VLDLR: variants seen among roughly 807,000 people sequenced by gnomAD.
VLDLR encodes very low-density lipoprotein receptor.
VLDLR carries 81 observed loss-of-function variants against 112.7 expected under a neutral mutation model. The observed-to-expected ratio is 0.72, with a 90% CI of 0.60 to 0.86. The LOEUF is 0.86. Ranked by LOEUF, VLDLR falls within the 40% of genes least tolerant of loss-of-function variation. VLDLR has a pLI of 0.00. For missense variants in VLDLR, 1,237 were observed against 1,099.4 expected, an observed-to-expected ratio of 1.13 and a Z score of -1.77; for synonymous variants, 436 against 384.8, an observed-to-expected ratio of 1.13 and a Z score of -1.56.
Position 2,622,023 on chromosome 9 carries a change from G to A in VLDLR, c.-167G>A. The A allele has an allele frequency of 1.5e-6, 1 of 663,344 alleles. No individual in the cohort carries two copies. The highest frequency in any genetic ancestry group is 2.5e-6 in the Non-Finnish European group (1 of 395,968). 41.1% of individuals were successfully genotyped at this position (663,344 alleles called of 1,614,324 possible). ...GACTGTGCAAGTTGTAGGGGAGGGG[G>A]TGCCCTCTTCTTCCCCGCTCCCTTC... On this transcript the variant is annotated 5_prime_UTR_variant, in exon 1 of 19. In the 5' UTR this introduces an upstream ATG that the reference lacks. Transcript: ENST00000382100.
chr9:2,627,856 A>C (rs7863527), intron 1 of VLDLR, among the ~76,000 whole-genome samples: 99,864 of 146,748 alleles, frequency 0.68, 34,429 homozygotes, highest in Admixed American at 0.76. Context: ...CAGTGCGAGA[A>C]TCCATCTCAA....
chr9:2,629,029 A>G (rs33984475), intron 1 of VLDLR, among the ~76,000 whole-genome samples: 5,701 of 152,158 alleles, frequency 0.037, 341 homozygotes, highest in African/African-American at 0.13. Flanking sequence ...GTGGTTCTCA[A>G]AGTGTGGACC....
intron 1 of VLDLR, 98 bp from the exon 2 acceptor site, chr9:2,635,355 C>T (rs1354319635): frequency 1.3e-6 from 2 of 1,586,906 alleles, no homozygotes; most frequent in Admixed American, 1.7e-5. Flanking sequence ...CCTGCCGAGT[C>T]TGCAGTATCC....
At chr9:2,651,168 G>A (rs1300709739) in intron 15 of VLDLR, among the ~76,000 whole-genome samples, 5 of 152,308 alleles carry the variant, frequency 3.3e-5, no homozygotes, top group South Asian at 2.1e-4. Context: ...GGGATAAAAT[G>A]TGGTTGTCCA....
In VLDLR at chr9:2,657,728, G is replaced by C. The variant is rs1207955772; in HGVS notation, c.*3860G>C. On this transcript the variant is annotated 3_prime_UTR_variant, in exon 19 of 19. Coordinates refer to ENST00000382100, the MANE Select transcript of VLDLR (RefSeq NM_003383.5). ...TAGCCCTGGTTGAGGTGCATTGTCT[G>C]CTGTCGTCTGTTAAGCATCTAACCG... 6.6e-6 allele frequency: 1 copy of C among 152,222 alleles called. No homozygotes were observed. Among genetic ancestry groups the C allele is most frequent in the African/African-American group, 2.4e-5 (1 of 41,448 alleles). 9.4% of individuals were successfully genotyped at this position (152,222 alleles called of 1,614,324 possible).
chr9:2,624,047 C>T (rs1335156692), intron 1 of VLDLR, among the ~76,000 whole-genome samples: 1 of 152,170 alleles, frequency 6.6e-6, no homozygotes, highest in Non-Finnish European at 1.5e-5. Flanking sequence ...GTTTTTGCTG[C>T]ATGTCCCTTC....
Position 2,651,433 on chromosome 9 carries a change from C to A in VLDLR, c.2270C>A (p.Thr757Asn). The A allele has an allele frequency of 6.2e-7, 1 of 1,613,952 alleles. No homozygotes were observed. Among genetic ancestry groups the A allele is most frequent in the Non-Finnish European group, 8.5e-7 (1 of 1,179,900 alleles). The change falls in exon 16 of 19, where the codon ACT becomes AAT. Residue 757 changes from threonine (T) to asparagine (N), a missense_variant. Physicochemically the swap from Thr to Asn is moderately conservative, Grantham distance 65. Transcript: ENST00000382100. ...RDCQSTATTV[T>N]YSETKDTNTT... ...AATTCAGGTACTGCAACTACTGTGACTTACAGTGAGACAAAAGATACGAAC... is the reference window on the plus strand; with the variant it reads ...AATTCAGGTACTGCAACTACTGTGAATTACAGTGAGACAAAAGATACGAAC...
chr9:2,655,766 G>A lies in VLDLR; in HGVS notation c.*1898G>A, dbSNP rs1291353382. ...GGAAAAGGCTGTAGTCATGAATATA[G>A]AACTGTCTGCTCTCCACCTTTTCCT... On this transcript the variant is annotated 3_prime_UTR_variant, in exon 19 of 19. Transcript: ENST00000382100. 6.6e-6 allele frequency: 1 copy of A among 152,098 alleles called. No homozygotes were observed. The highest frequency in any genetic ancestry group is 2.4e-5 in the African/African-American group (1 of 41,424). 9.4% of individuals were successfully genotyped at this position (152,098 alleles called of 1,614,324 possible).
chr9:2,644,325 A>ATTTTTT (rs374242751), intron 7 of VLDLR, among the ~76,000 whole-genome samples: 4 of 122,992 alleles, frequency 3.3e-5, no homozygotes, highest in Non-Finnish European at 4.9e-5. Context: ...CGCCCGGCTA[A>ATTTTTT]TTTTTTTTTT....
intron 3 of VLDLR, among the ~76,000 whole-genome samples, chr9:2,640,560 G>A: frequency 6.6e-6 from 1 of 152,122 alleles, no homozygotes; most frequent in Non-Finnish European, 1.5e-5. Flanking sequence ...AAGTCTATGA[G>A]ACCATAAAGA....
At chr9:2,637,884 A>G (rs1336708673) in intron 2 of VLDLR, among the ~76,000 whole-genome samples, 2 of 152,176 alleles carry the variant, frequency 1.3e-5, no homozygotes, top group East Asian at 3.8e-4. Flanking sequence ...CGGAGCTTGC[A>G]GTGAGCCAAG....
chr9:2,634,739 T>C (rs1817526100), intron 1 of VLDLR, among the ~76,000 whole-genome samples: 1 of 152,198 alleles, frequency 6.6e-6, no homozygotes, highest in South Asian at 2.1e-4. Flanking sequence ...TCTTGTTGCT[T>C]TTATCTTGGA....
rs895517553 is a variant in VLDLR at position 2,655,302 on chromosome 9, T to G, written c.*1434T>G. 1 of 152,118 alleles carries G rather than the reference T, an allele frequency of 6.6e-6. No individual in the cohort carries two copies. Among genetic ancestry groups the G allele is most frequent in the African/African-American group, 2.4e-5 (1 of 41,410 alleles). The allele number at this position is 152,118 out of a possible 1,614,324, so 9.4% of individuals were successfully genotyped here. ...CAAAGAAAAAATTGTACAGGGAGTTTAGTGAATTTTCCATCAGGTTGGCCA... is the reference window on the plus strand; with the variant it reads ...CAAAGAAAAAATTGTACAGGGAGTTGAGTGAATTTTCCATCAGGTTGGCCA... On this transcript the variant is annotated 3_prime_UTR_variant, in exon 19 of 19. Transcript: ENST00000382100.
chr9:2,644,744 A>C lies in VLDLR; in HGVS notation c.1077A>C (p.Glu359Asp), dbSNP rs373013425. The change falls in exon 8 of 19, where the codon GAA (glutamate) becomes GAC (aspartate). Residue 359 changes from glutamate (E) to aspartate (D), a missense_variant. By Grantham distance (45) the Glu-to-Asp change is conservative. Coordinates refer to ENST00000382100, the MANE Select transcript of VLDLR (RefSeq NM_003383.5). ...DEPLKECHIN[E>D]CLVNNGGCSH... is the part of the protein sequence containing the mutation. The stretch of plus-strand genomic sequence containing the variant: ...ACATTTTTATTCCAGATATAAACGA[A>C]TGCTTGGTAAATAATGGTGGATGTT... 3.9e-5 allele frequency: 63 copies of C among 1,614,036 alleles called. No homozygotes were observed. Among genetic ancestry groups the C allele is most frequent in the Non-Finnish European group, 4.4e-5 (52 of 1,180,052 alleles).
In VLDLR at chr9:2,643,863, T is replaced by C. The variant is rs777040596; in HGVS notation, c.970T>C (p.Phe324Leu). Residue 324 changes from phenylalanine to leucine, a missense_variant, in exon 7 of 19, where the codon TTC becomes CTC. Transcript: ENST00000382100. Reference protein sequence around the residue: ...NVNQCLGPGKFKCRSGECIDI... With the variant: ...NVNQCLGPGKLKCRSGECIDI... ...CAATCAGTGCTTGGGCCCTGGAAAA[T>C]TCAAGTGCAGAAGTGGAGAATGCAT... 1 of 1,614,136 alleles carries C rather than the reference T, an allele frequency of 6.2e-7. No individual in the cohort carries two copies. The highest frequency in any genetic ancestry group is 8.5e-7 in the Non-Finnish European group (1 of 1,180,038).
At position 2,623,621 on chromosome 9, in the gene VLDLR, G is replaced by A. The variant is rs146076452; in HGVS notation, c.82+1350G>A. 3.5e-4 allele frequency among the ~76,000 whole-genome samples: 54 copies of A among 152,348 alleles called. No individual in the cohort carries two copies. In the East Asian group the frequency reaches 8.1e-3, roughly 23 times the overall value. On this transcript the variant is annotated intron_variant, in intron 1 of 18. Transcript: ENST00000382100. The stretch of plus-strand genomic sequence containing the variant: ...GTCCGGAGCGTGTGAACTGGGACTG[G>A]CCTTTCCGCCCTCTGCGATTGGTTA...
chr9:2,645,940 A>G (rs1818050304), intron 10 of VLDLR, among the ~76,000 whole-genome samples, 195 bp downstream of exon 10: 1 of 152,154 alleles, frequency 6.6e-6, no homozygotes, highest in African/African-American at 2.4e-5. Context: ...ATTGTCTATG[A>G]AGTAAAAGAT....
At chr9:2,641,621 C>G in intron 4 of VLDLR, 122 bp downstream of exon 4, 1 of 1,414,358 alleles carries the variant, frequency 7.1e-7, no homozygotes, top group South Asian at 1.2e-5. Context: ...AGTGACTTCA[C>G]TATCTGCTCA....
At chr9:2,653,205 A>C (rs532696596) in intron 18 of VLDLR, among the ~76,000 whole-genome samples, 3 of 152,242 alleles carry the variant, frequency 2.0e-5, no homozygotes, top group Non-Finnish European at 4.4e-5. Context: ...TAGAAATGAC[A>C]TGTAAATACT....
Sources: gnomAD v4.1 joint callset for allele counts (sites outside exome capture counted in the v4.1 genomes callset) on GRCh38, gnomAD v4.1.1 for gene constraint, MANE v1.5 for transcripts, NCBI Gene and HGNC (gene_info 2026-07-23, HGNC 2026-07-21) for gene names.